LPAR1: variants seen among roughly 807,000 people sequenced by gnomAD.
LPAR1 encodes the protein lysophosphatidic acid receptor 1.
In LPAR1, 5 loss-of-function variants were observed where a neutral mutation model predicts 23.8. The ratio of observed to expected loss-of-function variants is 0.21; its 90% CI spans 0.11 to 0.44. The LOEUF is 0.44. Ranked by LOEUF, LPAR1 falls within the 20% of genes least tolerant of loss-of-function variation. The probability of loss-of-function intolerance (pLI) is 0.99; values close to 1 mark genes in which losing one functional copy is unlikely to be tolerated. For missense variants in LPAR1, 311 were observed against 482.8 expected, an observed-to-expected ratio of 0.64 and a Z score of 3.33; for synonymous variants, 160 against 164.7, an observed-to-expected ratio of 0.97 and a Z score of 0.22.
At position 110,905,787 on chromosome 9, in the gene LPAR1, A is replaced by G. The variant is rs527267329; in HGVS notation, c.794-30065T>C. Among the ~76,000 whole-genome samples the G allele has an allele frequency of 1.1e-4, 16 of 152,302 alleles. No homozygotes were observed. In the South Asian group the frequency reaches 2.5e-3, roughly 24 times the overall value. ...ACATTTCCTCAGTCTCTTATGTTCT[A>G]TGGAATTATTTTCCCTAGACAGATA... is the stretch of plus-strand genomic sequence containing the variant. On this transcript the variant is annotated intron_variant, in intron 5 of 5. Transcript: ENST00000683809.
At chr9:110,983,047 C>T (rs1279547380) in intron 2 of LPAR1, among the ~76,000 whole-genome samples, 1 of 151,942 alleles carries the variant, frequency 6.6e-6, no homozygotes, top group African/African-American at 2.4e-5. Flanking sequence ...AAACTGGAAC[C>T]CAGCACTGCT....
At chr9:110,888,565 G>GAA (rs35200514) in intron 5 of LPAR1, among the ~76,000 whole-genome samples, 5 of 128,348 alleles carry the variant, frequency 3.9e-5, no homozygotes, top group Non-Finnish European at 8.8e-5. Flanking sequence ...GAACCCAGCA[G>GAA]AAAAAAAAAA....
At chr9:110,964,094 T>C (rs1359896798) in intron 4 of LPAR1, among the ~76,000 whole-genome samples, 3 of 152,356 alleles carry the variant, frequency 2.0e-5, no homozygotes, top group East Asian at 1.9e-4. Flanking sequence ...ATTGCAAACA[T>C]TGTATGAATT....
chr9:110,894,620 G>A (rs2085655668), intron 5 of LPAR1, among the ~76,000 whole-genome samples: 1 of 152,202 alleles, frequency 6.6e-6, no homozygotes, highest in African/African-American at 2.4e-5. Context: ...TAGTCACAGA[G>A]TGACACCAGG....
intron 5 of LPAR1, among the ~76,000 whole-genome samples, chr9:110,928,512 C>T (rs2094190583): frequency 6.6e-6 from 1 of 152,158 alleles, no homozygotes; most frequent in South Asian, 2.1e-4. Context: ...TTAATTAAAA[C>T]ATCTTCACTT....
intron 4 of LPAR1, among the ~76,000 whole-genome samples, chr9:110,955,434 T>C (rs1170418617): frequency 1.3e-5 from 2 of 152,110 alleles, no homozygotes; most frequent in Admixed American, 6.5e-5. Flanking sequence ...ATGTATAATA[T>C]TATTAGACCT....
chr9:110,991,799 G>A (rs1258779719), intron 2 of LPAR1, among the ~76,000 whole-genome samples: 1 of 152,012 alleles, frequency 6.6e-6, no homozygotes, highest in Non-Finnish European at 1.5e-5. Context: ...CTCCATGTTG[G>A]TCAGGCTGGT....
chr9:111,019,937 T>G (rs186998789), intron 2 of LPAR1, among the ~76,000 whole-genome samples: 414 of 152,306 alleles, frequency 2.7e-3, no homozygotes, highest in African/African-American at 9.6e-3. Context: ...GGTGCCAGCA[T>G]GGTTGGTTTC....
chr9:110,980,077 C>T (rs2096637397), intron 2 of LPAR1, among the ~76,000 whole-genome samples: 1 of 152,092 alleles, frequency 6.6e-6, no homozygotes, highest in African/African-American at 2.4e-5. Context: ...TTAACAAGGT[C>T]ATCATCCTAT....
chr9:110,892,864 G>GGCAGGCAGGCAC (rs1491142300), intron 5 of LPAR1, among the ~76,000 whole-genome samples: 5 of 87,938 alleles, frequency 5.7e-5, no homozygotes, highest in Non-Finnish European at 1.0e-4. Context: ...CAGGCAGGCA[G>GGCAGGCAGGCAC]GCATGCAGGC....
chr9:110,962,188 C>A (rs2096019903), intron 4 of LPAR1, among the ~76,000 whole-genome samples: 1 of 152,118 alleles, frequency 6.6e-6, no homozygotes, highest in African/African-American at 2.4e-5. Flanking sequence ...TAAGTGGGAT[C>A]TACATCTGAC....
At chr9:111,001,906 C>T (rs72751814) in intron 2 of LPAR1, among the ~76,000 whole-genome samples, 20,368 of 152,118 alleles carry the variant, frequency 0.13, 1,436 homozygotes, top group South Asian at 0.18. Context: ...AAAAATAATA[C>T]ATACAGCTTC....
At chr9:110,876,927 A>T (rs2079250219) in intron 5 of LPAR1, among the ~76,000 whole-genome samples, 1 of 152,196 alleles carries the variant, frequency 6.6e-6, no homozygotes, top group South Asian at 2.1e-4. Context: ...GGGATCTTCT[A>T]CTGAAAGAAC....
chr9:111,025,789 T>C (rs1326596903), intron 2 of LPAR1, among the ~76,000 whole-genome samples: 1 of 152,214 alleles, frequency 6.6e-6, no homozygotes, highest in African/African-American at 2.4e-5. Context: ...CCCAACACCA[T>C]TTATTAAATA....
chr9:110,906,455 A>C (rs185795902), intron 5 of LPAR1, among the ~76,000 whole-genome samples: 1 of 152,376 alleles, frequency 6.6e-6, no homozygotes, highest in East Asian at 1.9e-4. Context: ...TATCATCTCC[A>C]TAATTTTAGC....
intron 4 of LPAR1, among the ~76,000 whole-genome samples, chr9:110,954,425 T>TC (rs2095667743): frequency 6.6e-6 from 1 of 152,108 alleles, no homozygotes; most frequent in African/African-American, 2.4e-5. Flanking sequence ...GCTGAAAATT[T>TC]CCCAAGTCTA....
rs557649154 is a variant in LPAR1, at chr9:110,951,425, C to T, written c.46-9257G>A. ...TCTCTACAGTGAAATGTAAAGACTT[C>T]TTACAAGTCAAAAAGGGAAAAGACA... On this transcript the variant is annotated intron_variant, in intron 4 of 5. Coordinates refer to ENST00000683809, the MANE Select transcript of LPAR1 (RefSeq NM_001351411.2). Among the ~76,000 whole-genome samples, 3 of 152,150 alleles carry T rather than the reference C, an allele frequency of 2.0e-5. No individual in the cohort carries two copies. In the East Asian group the frequency reaches 5.8e-4, roughly 29 times the overall value.
chr9:110,952,996 A>G (rs1413613042), intron 4 of LPAR1, among the ~76,000 whole-genome samples: 1 of 152,156 alleles, frequency 6.6e-6, no homozygotes. Flanking sequence ...CAGTTGGCAC[A>G]CAGACGTATG....
intron 5 of LPAR1, among the ~76,000 whole-genome samples, chr9:110,930,652 G>C (rs1028115906): frequency 4.0e-5 from 6 of 151,750 alleles, no homozygotes; most frequent in African/African-American, 1.5e-4. Flanking sequence ...ATTGGGCCGG[G>C]CTTGGTAGCT....
Sources: allele counts gnomAD v4.1 joint callset (sites outside exome capture counted in the v4.1 genomes callset), GRCh38; gene constraint gnomAD v4.1.1; transcripts MANE v1.5; gene names NCBI Gene and HGNC (gene_info 2026-07-23, HGNC 2026-07-21).